COLEC10: variants seen among roughly 807,000 people sequenced by gnomAD.
COLEC10 encodes the protein collectin subfamily member 10.
In COLEC10, 22 loss-of-function variants were observed where a neutral mutation model predicts 28.4. The observed-to-expected ratio is 0.78, with a 90% CI of 0.55 to 1.11. The LOEUF (loss-of-function observed/expected upper bound fraction) is 1.11. COLEC10 is among the 50% of genes least tolerant of loss of function. The probability of loss-of-function intolerance (pLI) is 0.00; values close to 1 mark genes in which losing one functional copy is unlikely to be tolerated. For missense variants in COLEC10, 361 were observed against 344.1 expected, an observed-to-expected ratio of 1.05 and a Z score of -0.39; for synonymous variants, 125 against 116.1, an observed-to-expected ratio of 1.08 and a Z score of -0.49.
intron 2 of COLEC10, among the ~76,000 whole-genome samples, chr8:119,090,157 T>C (rs915781236): frequency 9.9e-5 from 15 of 152,178 alleles, no homozygotes; most frequent in African/African-American, 3.6e-4. Context: ...GCTACCTGAT[T>C]CATTGATCTA....
intron 2 of COLEC10, among the ~76,000 whole-genome samples, chr8:119,038,110 C>G (rs1056306114): frequency 6.6e-6 from 1 of 152,158 alleles, no homozygotes; most frequent in Non-Finnish European, 1.5e-5. Context: ...TTGATTCTCG[C>G]TATTTGCTGT....
chr8:118,981,361 T>C, the COLEC10 span, among the ~76,000 whole-genome samples: 1 of 152,294 alleles, frequency 6.6e-6, no homozygotes, highest in Middle Eastern at 3.4e-3. Flanking sequence ...TGCTTCCCTA[T>C]GTCTATTTCT....
the COLEC10 span, among the ~76,000 whole-genome samples, chr8:118,981,157 G>A: frequency 0.015 from 2,301 of 151,864 alleles, 70 homozygotes; most frequent in African/African-American, 0.052. Context: ...TGTGGGTTCC[G>A]CCTCAAAGTG....
chr8:119,006,903 T>C (rs1249416774), intron 1 of COLEC10, among the ~76,000 whole-genome samples: 1 of 152,116 alleles, frequency 6.6e-6, no homozygotes, highest in Admixed American at 6.6e-5. Flanking sequence ...GAGGATATTT[T>C]CTAATCATAA....
At chr8:118,982,114 A>T in the COLEC10 span, among the ~76,000 whole-genome samples, 1 of 152,132 alleles carries the variant, frequency 6.6e-6, no homozygotes, top group Non-Finnish European at 1.5e-5. Flanking sequence ...AAATCTGGGG[A>T]AGCAAGTGTT....
chr8:118,957,463 C>G, the COLEC10 span, among the ~76,000 whole-genome samples: 1 of 151,976 alleles, frequency 6.6e-6, no homozygotes, highest in Non-Finnish European at 1.5e-5. Flanking sequence ...ATGAGGTGGC[C>G]CAAGGGAGTA....
chr8:119,104,459 T>C (rs1815899504), intron 5 of COLEC10, among the ~76,000 whole-genome samples: 1 of 152,164 alleles, frequency 6.6e-6, no homozygotes, highest in African/African-American at 2.4e-5. Context: ...AATGTGTTTA[T>C]CTGTTTTCCA....
chr8:119,080,957 G>T (rs190171284), intron 1 of COLEC10, among the ~76,000 whole-genome samples: 35 of 152,096 alleles, frequency 2.3e-4, no homozygotes, highest in Admixed American at 1.2e-3. Context: ...ATTGTATTTT[G>T]AATATAATTT....
the COLEC10 span, among the ~76,000 whole-genome samples, chr8:118,952,429 A>G: frequency 3.9e-5 from 6 of 152,190 alleles, no homozygotes; most frequent in Non-Finnish European, 7.3e-5. Context: ...CGGGTTCTGA[A>G]ACCTCAAATT....
At chr8:119,007,604 C>T (rs946813578) in intron 1 of COLEC10, among the ~76,000 whole-genome samples, 11 of 151,096 alleles carry the variant, frequency 7.3e-5, no homozygotes, top group Admixed American at 7.2e-4. Context: ...AATTTAAGAC[C>T]AATTGTCCAA....
intron 2 of COLEC10, among the ~76,000 whole-genome samples, chr8:119,021,491 T>C (rs1220040929): frequency 3.3e-5 from 5 of 152,092 alleles, no homozygotes; most frequent in African/African-American, 1.2e-4. Context: ...CTGGCAGGAA[T>C]TACTACTGCT....
At chr8:119,098,792 T>C (rs1378848696) in intron 3 of COLEC10, among the ~76,000 whole-genome samples, 18 of 152,134 alleles carry the variant, frequency 1.2e-4, no homozygotes, top group African/African-American at 4.1e-4. Context: ...TCCAGAGATA[T>C]GCCATCAAAT....
At chr8:118,965,755 C>T in the COLEC10 span, among the ~76,000 whole-genome samples, 16 of 151,978 alleles carry the variant, frequency 1.1e-4, no homozygotes, top group Non-Finnish European at 2.1e-4. Context: ...ATGTTCAGGA[C>T]CTGGCACAGT....
rs762180766 is a variant in COLEC10, at chr8:119,077,243, A to ATTTTTTTTTTTTTTT, written c.148+9824_148+9838dup. Among the ~76,000 whole-genome samples, 3 of 90,292 alleles carry ATTTTTTTTTTTTTTT rather than the reference A, an allele frequency of 3.3e-5. 1 individual carries two copies. Among genetic ancestry groups the ATTTTTTTTTTTTTTT allele is most frequent in the Non-Finnish European group, 6.4e-5 (3 of 46,668 alleles). 59.2% of individuals were successfully genotyped at this position (90,292 alleles called of 152,430 possible). A position where few individuals can be genotyped will look rare whatever the true frequency, so the allele number is the denominator to read the frequency against. Reference sequence around the variant, plus strand: ...TTTTGATTAGCCTGGGTAGAGAATGATTTTTTTTTTTTTTTTTTTTTTTTG... The same window carrying ATTTTTTTTTTTTTTT: ...TTTTGATTAGCCTGGGTAGAGAATGATTTTTTTTTTTTTTTTTTTTTTTTTTTTTTTTTTTTTTTG... On this transcript the variant is annotated intron_variant, in intron 1 of 5. Coordinates refer to ENST00000332843, the MANE Select transcript of COLEC10 (RefSeq NM_006438.5).
intron 3 of COLEC10, among the ~76,000 whole-genome samples, chr8:119,092,280 C>T (rs1047922866): frequency 6.6e-6 from 1 of 151,980 alleles, no homozygotes; most frequent in Non-Finnish European, 1.5e-5. Flanking sequence ...CTGTGCTAGC[C>T]AAGATGGTCT....
chr8:119,012,855 A>G lies in COLEC10; in HGVS notation n.235+3302A>G, dbSNP rs544036665. 2.0e-5 allele frequency among the ~76,000 whole-genome samples: 3 copies of G among 149,960 alleles called. No individual in the cohort carries two copies. In the East Asian group the frequency reaches 5.8e-4, roughly 29 times the overall value. On this transcript the variant is annotated intron_variant and non_coding_transcript_variant, in intron 2 of 6. Transcript: ENST00000521788. ...ATATTAGTAATTTGTGTCCTTTCTC[A>G]TTCTTCATAGTTAGGCTAGCTAGAG...
At chr8:119,017,119 A>G (rs796513915) in intron 2 of COLEC10, among the ~76,000 whole-genome samples, 12 of 152,202 alleles carry the variant, frequency 7.9e-5, no homozygotes, top group African/African-American at 2.9e-4. Flanking sequence ...GCTTTTTTTC[A>G]TATGGGAAAC....
chr8:119,071,995 G>C (rs1245627570), intron 1 of COLEC10, among the ~76,000 whole-genome samples: 1 of 152,170 alleles, frequency 6.6e-6, no homozygotes, highest in African/African-American at 2.4e-5. Context: ...GAACCTCCCT[G>C]CCAGGGGCCA....
intron 2 of COLEC10, among the ~76,000 whole-genome samples, chr8:119,049,700 C>A (rs1814644883): frequency 6.6e-6 from 1 of 152,030 alleles, no homozygotes; most frequent in Admixed American, 6.5e-5. Flanking sequence ...AGGCGTGAGC[C>A]ACCTCGCCTG....
Sources: allele counts gnomAD v4.1 joint callset (sites outside exome capture counted in the v4.1 genomes callset), GRCh38; gene constraint gnomAD v4.1.1; transcripts MANE v1.5; gene names NCBI Gene and HGNC (gene_info 2026-07-23, HGNC 2026-07-21).